PCDHA6: variants seen among roughly 807,000 people sequenced by gnomAD.
PCDHA6 encodes protocadherin alpha-6.
PCDHA6 carries 55 observed loss-of-function variants against 60.3 expected under a neutral mutation model. That is an observed-to-expected ratio of 0.91 (90% CI 0.73 to 1.14). The LOEUF (loss-of-function observed/expected upper bound fraction) is 1.14. Ranked by LOEUF, PCDHA6 falls within the 50% of genes most tolerant of loss-of-function variation. The probability of loss-of-function intolerance (pLI) is 0.00; values close to 1 mark genes in which losing one functional copy is unlikely to be tolerated. For missense variants in PCDHA6, 1,327 were observed against 1,256.5 expected (o/e 1.06, Z -0.85); for synonymous variants, 652 against 557.9 (o/e 1.17, Z -2.38).
At position 141,011,314 on chromosome 5, in the gene PCDHA6, T is replaced by G. The variant is rs1269900647; in HGVS notation, c.*1377T>G. 2.0e-5 allele frequency: 3 copies of G among 153,782 alleles called. No homozygotes were observed. Among genetic ancestry groups the G allele is most frequent in the Non-Finnish European group, 4.4e-5 (3 of 68,040 alleles). 9.5% of individuals were successfully genotyped at this position (153,782 alleles called of 1,614,324 possible). On this transcript the variant is annotated 3_prime_UTR_variant, in exon 4 of 4. Coordinates refer to ENST00000529310, the MANE Select transcript of PCDHA6 (RefSeq NM_018909.4). ...CTATAACACTCTGAATTGCTAATCT[T>G]ACTAACACCTATGATGTTACCTGAA...
At chr5:140,910,428 G>A (rs2075029085) in intron 1 of PCDHA6, among the ~76,000 whole-genome samples, 1 of 152,130 alleles carries the variant, frequency 6.6e-6, no homozygotes, top group Admixed American at 6.5e-5. Flanking sequence ...TATTCCCATT[G>A]CATTTAAGTT....
chr5:140,882,136 A>T (rs2058967821), intron 1 of PCDHA6: 14 of 1,486,890 alleles, frequency 9.4e-6, no homozygotes, highest in Non-Finnish European at 1.3e-5. Context: ...TCCTGCAGAA[A>T]ATATAGCAGA....
intron 1 of PCDHA6, chr5:140,883,321 C>T: frequency 6.2e-7 from 1 of 1,614,120 alleles, no homozygotes; most frequent in South Asian, 1.1e-5. Flanking sequence ...CAGAGGTTAC[C>T]ATCACTTCTT....
rs201969686 is a variant in PCDHA6, at chr5:140,898,775, T to A, written c.2394+68290T>A. ...GATGGCATTGAATCTGTAAATTACC[T>A]TGGGCAGTATGGCCATTTTCACGAT... On this transcript the variant is annotated intron_variant, in intron 1 of 3. Coordinates refer to ENST00000529310, the MANE Select transcript of PCDHA6 (RefSeq NM_018909.4). 9.9e-4 allele frequency among the ~76,000 whole-genome samples: 151 copies of A among 152,312 alleles called. 1 individual carries two copies. The East Asian group carries it at 0.026, about 26-fold the overall frequency.
Position 140,882,982 on chromosome 5 carries a change from C to T in PCDHA6, c.2394+52497C>T, listed in dbSNP as rs139888237. 2.9e-5 allele frequency: 47 copies of T among 1,614,148 alleles called. No individual in the cohort carries two copies. The East Asian group carries it at 3.6e-4, about 12-fold the overall frequency. On this transcript the variant is annotated intron_variant, in intron 1 of 3. Coordinates refer to ENST00000529310, the MANE Select transcript of PCDHA6 (RefSeq NM_018909.4). The stretch of plus-strand genomic sequence containing the variant: ...TCACGATTCTGGACGTGAATGACAA[C>T]GCCCCGGAATTTTACCAATCCGTTT...
intron 1 of PCDHA6, chr5:140,831,275 T>C (rs2150193117): frequency 5.3e-5 from 8 of 152,198 alleles, no homozygotes; most frequent in Admixed American, 1.3e-4. Flanking sequence ...CACTTGATGG[T>C]CTTCTCTTCA....
At chr5:140,953,988 A>G (rs1554221181) in intron 1 of PCDHA6, among the ~76,000 whole-genome samples, 1 of 151,898 alleles carries the variant, frequency 6.6e-6, no homozygotes, top group African/African-American at 2.4e-5. Flanking sequence ...TCATATTTTC[A>G]TGTGTACTCA....
intron 3 of PCDHA6, among the ~76,000 whole-genome samples, chr5:141,008,308 TA>T (rs1554261716): frequency 6.6e-6 from 1 of 152,214 alleles, no homozygotes; most frequent in East Asian, 1.9e-4. Flanking sequence ...CCCTAAACTG[TA>T]ATTGAACATA....
chr5:140,924,942 GT>G (rs1180985667), intron 1 of PCDHA6, among the ~76,000 whole-genome samples: 3 of 120,862 alleles, frequency 2.5e-5, no homozygotes, highest in African/African-American at 8.7e-5. Context: ...AAAATAAAAA[GT>G]TAAAAAAAAA....
At chr5:140,902,551 C>G (rs1022882687) in intron 1 of PCDHA6, among the ~76,000 whole-genome samples, 1 of 151,956 alleles carries the variant, frequency 6.6e-6, no homozygotes, top group African/African-American at 2.4e-5. Context: ...CTTCTATACC[C>G]AGATTTTTGA....
intron 1 of PCDHA6, chr5:140,834,661 A>G (rs1200683987): frequency 6.2e-7 from 1 of 1,614,098 alleles, no homozygotes; most frequent in Non-Finnish European, 8.5e-7. Flanking sequence ...ATCGACCGCG[A>G]GGAGCTGTGC....
chr5:140,922,953 G>A (rs2081086867), intron 1 of PCDHA6, among the ~76,000 whole-genome samples: 1 of 152,168 alleles, frequency 6.6e-6, no homozygotes, highest in Non-Finnish European at 1.5e-5. Context: ...AATCCAGTTT[G>A]TCTTCAGCCA....
chr5:141,008,438 A>G (rs1214725080), intron 3 of PCDHA6, among the ~76,000 whole-genome samples: 1 of 152,204 alleles, frequency 6.6e-6, no homozygotes, highest in Admixed American at 6.5e-5. Flanking sequence ...TTGCCCAGAC[A>G]GACCATTACC....
intron 1 of PCDHA6, chr5:140,834,498 G>A (rs2150219814): frequency 6.2e-7 from 1 of 1,614,130 alleles, no homozygotes; most frequent in East Asian, 2.2e-5. Flanking sequence ...CCCCGAGGAG[G>A]CTAAACATGG....
chr5:140,999,550 G>A (rs1250301883), intron 3 of PCDHA6, among the ~76,000 whole-genome samples: 2 of 152,120 alleles, frequency 1.3e-5, no homozygotes, highest in African/African-American at 4.8e-5. Context: ...CCAATGAAGA[G>A]GGGGTATTTT....
At chr5:140,846,228 T>C (rs1397135837) in intron 1 of PCDHA6, among the ~76,000 whole-genome samples, 1 of 149,604 alleles carries the variant, frequency 6.7e-6, no homozygotes, top group Non-Finnish European at 1.5e-5. Flanking sequence ...AGTATTTTTC[T>C]TAAAAAGAAG....
chr5:140,900,693 T>A (rs1223398418), intron 1 of PCDHA6, among the ~76,000 whole-genome samples: 1 of 152,242 alleles, frequency 6.6e-6, no homozygotes, highest in African/African-American at 2.4e-5. Flanking sequence ...TATACTGATT[T>A]CCGTTCTTTT....
chr5:140,894,649 T>C (rs1270978331), intron 1 of PCDHA6, among the ~76,000 whole-genome samples: 3 of 152,024 alleles, frequency 2.0e-5, no homozygotes, highest in African/African-American at 7.2e-5. Context: ...ACTGAGTCTC[T>C]CTAATTCTGA....
At chr5:140,990,988 C>A (rs1332573282) in intron 3 of PCDHA6, among the ~76,000 whole-genome samples, 5 of 152,184 alleles carry the variant, frequency 3.3e-5, no homozygotes, top group Admixed American at 6.5e-5. Flanking sequence ...AAGACAATAG[C>A]TACCATTTAT....
Sources: gnomAD v4.1 joint callset for allele counts (sites outside exome capture counted in the v4.1 genomes callset) on GRCh38, gnomAD v4.1.1 for gene constraint, MANE v1.5 for transcripts, NCBI Gene and HGNC (gene_info 2026-07-23, HGNC 2026-07-21) for gene names.